TNFRSF19: variants seen among roughly 807,000 people sequenced by gnomAD.
The protein encoded by TNFRSF19 is tumor necrosis factor receptor superfamily member 19.
TNFRSF19 carries 27 observed loss-of-function variants against 46.4 expected under a neutral mutation model. The observed-to-expected ratio is 0.58, with a 90% confidence interval of 0.43 to 0.80. The LOEUF (loss-of-function observed/expected upper bound fraction) is 0.80. TNFRSF19 is among the 30% of genes least tolerant of loss of function. The pLI is 0.00. For synonymous variants in TNFRSF19, 204 were observed against 205.0 expected (o/e 1.00, Z 0.04); for missense variants, 511 against 530.8 (o/e 0.96, Z 0.37).
Position 23,668,974 on chromosome 13 carries a change from T to C in TNFRSF19, c.1122T>C (p.Asp374=), listed in dbSNP as rs144179899. 1.8e-5 allele frequency: 29 copies of C among 1,614,114 alleles called. No individual in the cohort carries two copies. In the African/African-American group the frequency reaches 3.3e-4, roughly 19 times the overall value. ...CTGAAAACTTTACAGCAGCTACTGA[T>C]TTATCTAGATATAACAACACACTGG... ...SHSENFTAAT[D]LSRYNNTLVE... Residue 374 remains aspartate (D), a synonymous_variant, in exon 9 of 10, where the codon GAT becomes GAC. Coordinates refer to ENST00000248484, the MANE Select transcript of TNFRSF19 (RefSeq NM_148957.4).
chr13:23,633,797 C>T (rs1882506164), intron 5 of TNFRSF19, among the ~76,000 whole-genome samples: 1 of 152,074 alleles, frequency 6.6e-6, no homozygotes, highest in Non-Finnish European at 1.5e-5. Context: ...TGCAGTGAGC[C>T]GAGATCGTAC....
chr13:23,627,423 A>G (rs1882080412), intron 5 of TNFRSF19, among the ~76,000 whole-genome samples: 1 of 151,856 alleles, frequency 6.6e-6, no homozygotes, highest in Non-Finnish European at 1.5e-5. Flanking sequence ...TTGTGTAGAT[A>G]TAAAAGGTAT....
At chr13:23,644,069 C>CT (rs1883179362) in intron 5 of TNFRSF19, among the ~76,000 whole-genome samples, 1 of 152,212 alleles carries the variant, frequency 6.6e-6, no homozygotes, top group South Asian at 2.1e-4. Context: ...CCTTGATTCA[C>CT]TTACATTTAA....
At chr13:23,575,357 T>C (rs1877884925) in intron 1 of TNFRSF19, among the ~76,000 whole-genome samples, 3 of 152,196 alleles carry the variant, frequency 2.0e-5, no homozygotes, top group Admixed American at 2.0e-4. Flanking sequence ...GGGTTTTTCA[T>C]ATATATTGGT....
At chr13:23,577,409 A>G (rs968521954) in intron 1 of TNFRSF19, among the ~76,000 whole-genome samples, 1 of 152,258 alleles carries the variant, frequency 6.6e-6, no homozygotes, top group African/African-American at 2.4e-5. Context: ...CCACTCAGAA[A>G]GCTTTGGTTG....
chr13:23,668,622 T>C, intron 8 of TNFRSF19, 70 bp from the exon 9 acceptor site: 1 of 1,519,894 alleles, frequency 6.6e-7, no homozygotes. Flanking sequence ...AAATTACGGC[T>C]GACATGCTTC....
intron 5 of TNFRSF19, among the ~76,000 whole-genome samples, chr13:23,642,377 T>C (rs758088111): frequency 2.0e-5 from 3 of 152,236 alleles, no homozygotes; most frequent in Non-Finnish European, 2.9e-5. Flanking sequence ...CTAACACTTA[T>C]GGCAGTTTAC....
At position 23,591,538 on chromosome 13, in the gene TNFRSF19, TG is replaced by T. The variant is rs150435219; in HGVS notation, c.69+1287del. Among the ~76,000 whole-genome samples the T allele has an allele frequency of 8.3e-3, 1,267 of 152,032 alleles. 26 individuals carry two copies. Among genetic ancestry groups the T allele is most frequent in the East Asian group, 0.077 (395 of 5,158 alleles). ...GGTGAATGTAGGAGAGCTTCCCTGC[TG>T]TAATTGGAGGCTGTTAAACATTGAA... On this transcript the variant is annotated intron_variant, in intron 2 of 9. Coordinates refer to ENST00000248484, the MANE Select transcript of TNFRSF19 (RefSeq NM_148957.4).
chr13:23,596,304 A>G (rs1348108122), intron 3 of TNFRSF19, among the ~76,000 whole-genome samples: 3 of 152,210 alleles, frequency 2.0e-5, no homozygotes, highest in Non-Finnish European at 4.4e-5. Flanking sequence ...TAGACTGGCA[A>G]ATTGGATAAA....
chr13:23,616,518 G>A (rs997530672), intron 4 of TNFRSF19, among the ~76,000 whole-genome samples: 1 of 152,124 alleles, frequency 6.6e-6, no homozygotes. Flanking sequence ...AGAAAATAAA[G>A]TGGCAAAGAT....
intron 5 of TNFRSF19, among the ~76,000 whole-genome samples, chr13:23,654,454 A>G (rs928774244): frequency 2.0e-5 from 3 of 152,020 alleles, no homozygotes; most frequent in African/African-American, 4.8e-5. Context: ...TCATGCAGAC[A>G]CCAAGACCAA....
Position 23,659,288 on chromosome 13 carries a change from C to T in TNFRSF19, c.610+74C>T. 1 of 1,493,850 alleles carries T rather than the reference C, an allele frequency of 6.7e-7. No homozygotes were observed. The highest frequency in any genetic ancestry group is 9.1e-7 in the Non-Finnish European group (1 of 1,103,646). 92.5% of individuals were successfully genotyped at this position (1,493,850 alleles called of 1,614,324 possible). A position where few individuals can be genotyped will look rare whatever the true frequency, so the allele number is the denominator to read the frequency against. The stretch of plus-strand genomic sequence containing the variant: ...TATTACTATTGTCGTGCAAGTGTTC[C>T]ACAAGAGACTTGGCTGAGACAAGCA... On this transcript the variant is annotated intron_variant, in intron 6 of 9. Transcript: ENST00000248484. This position sits in a 1 kb window ranked among gnomAD's most constrained non-coding sequence, Gnocchi z 4.9.
chr13:23,659,516 G>GT lies in TNFRSF19; in HGVS notation c.610+309dup, dbSNP rs889258624. 6.6e-6 allele frequency among the ~76,000 whole-genome samples: 1 copy of GT among 151,836 alleles called. No homozygotes were observed. Among genetic ancestry groups the GT allele is most frequent in the East Asian group, 1.9e-4 (1 of 5,176 alleles). On this transcript the variant is annotated intron_variant, in intron 6 of 9. Coordinates refer to ENST00000248484, the MANE Select transcript of TNFRSF19 (RefSeq NM_148957.4). This position sits in a 1 kb window ranked among gnomAD's most constrained non-coding sequence, Gnocchi z 4.9. ...TTATTATATGTTTCTTTGTTTTTTT[G>GT]TTTTTTTGGAGACAGAGTCTGGCTC...
intron 9 of TNFRSF19, among the ~76,000 whole-genome samples, chr13:23,672,093 G>A (rs190546667): frequency 7.2e-5 from 11 of 152,294 alleles, no homozygotes; most frequent in African/African-American, 1.9e-4. Context: ...TGATTTCAGC[G>A]CATGATGCAT....
chr13:23,591,140 G>A (rs1207195993), intron 2 of TNFRSF19, among the ~76,000 whole-genome samples: 1 of 152,148 alleles, frequency 6.6e-6, no homozygotes, highest in Admixed American at 6.6e-5. Flanking sequence ...ACTGAAGACA[G>A]TATGCAAAGT....
intron 1 of TNFRSF19, among the ~76,000 whole-genome samples, chr13:23,587,373 T>G (rs2138169524): frequency 6.6e-6 from 1 of 152,302 alleles, no homozygotes; most frequent in Middle Eastern, 3.4e-3. Flanking sequence ...TGTTTATTTC[T>G]AAAATACTCC....
rs1951809217 is a variant in TNFRSF19, at chr13:23,675,021, G to GCGAC, written c.*1643_*1644insACCG. On this transcript the variant is annotated 3_prime_UTR_variant, in exon 10 of 10. Coordinates refer to ENST00000248484, the MANE Select transcript of TNFRSF19 (RefSeq NM_148957.4). ...TGAGAATGTTTCATTGTAGCCCCAA[G>GCGAC]CGGTCATGTCAACCTAGTGCCTAGT... The GCGAC allele has an allele frequency of 6.6e-6, 1 of 152,108 alleles. No homozygotes were observed. The highest frequency in any genetic ancestry group is 2.1e-4 in the South Asian group (1 of 4,816). The allele number at this position is 152,108 out of a possible 1,614,324, so 9.4% of individuals were successfully genotyped here.
Position 23,667,964 on chromosome 13 carries a change from G to A in TNFRSF19, c.737-16G>A. 6.3e-7 allele frequency: 1 copy of A among 1,588,356 alleles called. No individual in the cohort carries two copies. The highest frequency in any genetic ancestry group is 8.6e-7 in the Non-Finnish European group (1 of 1,167,372). Reference sequence around the variant, plus strand: ...GAAGGAGGCACTGTGCTTCACACCTGTGCTGTCTTCCCTAGGGCCGGTGCG... The same window carrying A: ...GAAGGAGGCACTGTGCTTCACACCTATGCTGTCTTCCCTAGGGCCGGTGCG... On this transcript the variant is annotated splice_polypyrimidine_tract_variant and intron_variant, in intron 7 of 9. Transcript: ENST00000248484.
intron 4 of TNFRSF19, among the ~76,000 whole-genome samples, chr13:23,618,719 G>A (rs1430426030): frequency 1.3e-5 from 2 of 152,190 alleles, no homozygotes; most frequent in Non-Finnish European, 2.9e-5. Flanking sequence ...ACTAGTGTTC[G>A]TAGCAGCAGT....
Sources: gnomAD v4.1 joint callset for allele counts (sites outside exome capture counted in the v4.1 genomes callset) on GRCh38, gnomAD v4.1.1 for gene constraint, Gnocchi (gnomAD v3.1) non-coding constraint, MANE v1.5 for transcripts, NCBI Gene and HGNC (gene_info 2026-07-23, HGNC 2026-07-21) for gene names.